Variants in ALKBH8 observed in about 807,000 individuals in gnomAD.
ALKBH8 encodes alkB homolog 8, tRNA methyltransferase.
ALKBH8 carries 36 observed loss-of-function variants against 59.8 expected under a neutral mutation model. That is an observed-to-expected ratio of 0.60 (90% confidence interval 0.46 to 0.79). The LOEUF (loss-of-function observed/expected upper bound fraction) is 0.79, where lower values mean the gene tolerates loss of function less well. ALKBH8 is among the 30% of genes least tolerant of loss of function. ALKBH8 has a pLI of 0.00. For missense variants in ALKBH8, 768 were observed against 801.0 expected (o/e 0.96, Z 0.50); for synonymous variants, 276 against 273.6 (o/e 1.01, Z -0.09).
intron 10 of ALKBH8, among the ~76,000 whole-genome samples, chr11:107,517,954 T>C (rs1383587165): frequency 6.6e-6 from 1 of 152,238 alleles, no homozygotes; most frequent in Admixed American, 6.5e-5. Context: ...ATGCATATGT[T>C]AATTTGCTAG....
chr11:107,537,004 G>A (rs1863844390), intron 7 of ALKBH8, among the ~76,000 whole-genome samples: 2 of 152,180 alleles, frequency 1.3e-5, no homozygotes, highest in Admixed American at 6.5e-5. Context: ...CCCCCATGAG[G>A]CCACCAGGTA....
intron 7 of ALKBH8, among the ~76,000 whole-genome samples, chr11:107,547,641 ATTATAAAC>A (rs1265190417): frequency 6.7e-6 from 1 of 148,596 alleles, no homozygotes; most frequent in Non-Finnish European, 1.5e-5. Context: ...TGAAACAAAC[ATTATAAAC>A]TTAAAATTAT....
intron 9 of ALKBH8, among the ~76,000 whole-genome samples, chr11:107,522,868 T>C (rs1237007059): frequency 6.6e-6 from 1 of 151,974 alleles, no homozygotes; most frequent in Non-Finnish European, 1.5e-5. Context: ...TCTTGCACAC[T>C]GTTGGTGGGA....
chr11:107,549,867 T>C, intron 6 of ALKBH8, 44 bp from the exon 7 acceptor site: 1 of 1,393,382 alleles, frequency 7.2e-7, no homozygotes, highest in Non-Finnish European at 9.9e-7. Context: ...TTTTTTCCTT[T>C]AGTAGATTTA....
intron 10 of ALKBH8, among the ~76,000 whole-genome samples, chr11:107,512,387 C>T (rs1277062069): frequency 6.6e-6 from 1 of 152,018 alleles, no homozygotes; most frequent in Non-Finnish European, 1.5e-5. Context: ...AATCCCAGCC[C>T]ACGGCAGCCT....
intron 8 of ALKBH8, among the ~76,000 whole-genome samples, chr11:107,525,835 T>C (rs1863330226): frequency 6.6e-6 from 1 of 151,756 alleles, no homozygotes; most frequent in African/African-American, 2.4e-5. Context: ...AAAATAAATA[T>C]TTAATTAACA....
chr11:107,531,357 G>T lies in ALKBH8; in HGVS notation c.878+943C>A, dbSNP rs1863584413. Among the ~76,000 whole-genome samples the T allele has an allele frequency of 2.0e-5, 3 of 152,166 alleles. No homozygotes were observed. The South Asian group carries it at 6.2e-4, about 32-fold the overall frequency. ...GGTCTCTCCTCAAAAGGCTAGAGAT[G>T]TATCCCTAGCAGAAGCACATACTAA... On this transcript the variant is annotated intron_variant, in intron 8 of 11. Transcript: ENST00000428149.
At chr11:107,516,852 C>A (rs1862884227) in intron 10 of ALKBH8, among the ~76,000 whole-genome samples, 1 of 152,070 alleles carries the variant, frequency 6.6e-6, no homozygotes, top group Admixed American at 6.6e-5. Flanking sequence ...ATGGCAAAAC[C>A]TCATCTCTAC....
intron 10 of ALKBH8, 46 bp from the exon 11 acceptor site, chr11:107,511,082 T>A (rs561164385): frequency 6.5e-7 from 1 of 1,539,872 alleles, no homozygotes; most frequent in Non-Finnish European, 8.8e-7. Flanking sequence ...AAATTTCACA[T>A]GAAATTAAGA....
chr11:107,535,215 G>A (rs184838131), intron 7 of ALKBH8, among the ~76,000 whole-genome samples: 106 of 152,266 alleles, frequency 7.0e-4, no homozygotes, highest in South Asian at 1.5e-3. Flanking sequence ...TGCTATAAGC[G>A]TGTGTGCAAT....
chr11:107,532,401 G>T lies in ALKBH8; in HGVS notation c.777C>A (p.Val259=). ...TGCCATCTGGGTGCTTAAAATCCAT[G>T]ACAATCTTGAAGCAAAGATAAAAGC... is the stretch of plus-strand genomic sequence containing the variant. ...IVSLSLGSEI[V]MDFKHPDGIA... Residue 259 remains valine (V), a synonymous_variant, in exon 8 of 12, where the codon GTC becomes GTA. Coordinates refer to ENST00000428149, the MANE Select transcript of ALKBH8 (RefSeq NM_138775.3). The T allele has an allele frequency of 6.2e-7, 1 of 1,612,504 alleles. No individual in the cohort carries two copies. Among genetic ancestry groups the T allele is most frequent in the South Asian group, 1.1e-5 (1 of 90,948 alleles).
chr11:107,523,002 G>A (rs376544780), intron 9 of ALKBH8, among the ~76,000 whole-genome samples: 5 of 150,724 alleles, frequency 3.3e-5, no homozygotes, highest in Non-Finnish European at 2.9e-5. Context: ...ATCCCCTCTC[G>A]TATCAAGAGC....
At position 107,504,658 on chromosome 11, in the gene ALKBH8, T is replaced by C. The variant is rs1278517861; in HGVS notation, c.1995A>G (p.Ter665TrpextTer4). 1.3e-6 allele frequency: 2 copies of C among 1,544,772 alleles called. No homozygotes were observed. Among genetic ancestry groups the C allele is most frequent in the Non-Finnish European group, 1.7e-6 (2 of 1,144,390 alleles). ...GNWCVILQKA[*>W] ...ATATATGATGTGTTCAGGTAAATAATCAGGCCTTTTGAAGAATCACACACC... is the reference window on the plus strand; with the variant it reads ...ATATATGATGTGTTCAGGTAAATAACCAGGCCTTTTGAAGAATCACACACC... The change falls in exon 12 of 12, where the codon TGA (stop) becomes TGG (tryptophan). Residue 665 changes from the stop codon to tryptophan (W), a stop_lost. Coordinates refer to ENST00000428149, the MANE Select transcript of ALKBH8 (RefSeq NM_138775.3).
chr11:107,513,573 A>G (rs1233836900), intron 10 of ALKBH8, among the ~76,000 whole-genome samples: 2 of 152,218 alleles, frequency 1.3e-5, no homozygotes, highest in Non-Finnish European at 2.9e-5. Context: ...TTGTTCTACC[A>G]TAAAGACATA....
chr11:107,530,189 A>G (rs1439279055), intron 8 of ALKBH8, among the ~76,000 whole-genome samples: 2 of 152,230 alleles, frequency 1.3e-5, no homozygotes, highest in African/African-American at 4.8e-5. Flanking sequence ...CTGACTGTTA[A>G]GTTTACCCCT....
At chr11:107,529,132 G>A (rs1249101811) in intron 8 of ALKBH8, among the ~76,000 whole-genome samples, 5 of 152,160 alleles carry the variant, frequency 3.3e-5, no homozygotes, top group Non-Finnish European at 5.9e-5. Context: ...CTGGCTCTGC[G>A]ACTTACTGCT....
intron 9 of ALKBH8, among the ~76,000 whole-genome samples, chr11:107,524,767 C>T (rs1389187297): frequency 1.3e-5 from 2 of 151,722 alleles, no homozygotes; most frequent in Non-Finnish European, 2.9e-5. Context: ...TGACTAAATC[C>T]AAAAGCTGTT....
chr11:107,544,598 T>C (rs1023947806), intron 7 of ALKBH8, among the ~76,000 whole-genome samples: 32 of 152,166 alleles, frequency 2.1e-4, no homozygotes, highest in African/African-American at 7.5e-4. Context: ...CATTTATTTA[T>C]TTCTGGCCCA....
rs989864551 is a variant in ALKBH8, at chr11:107,505,011, T to C, written c.1642A>G (p.Met548Val). ...QRSLVEQMRDMGSRDSASSVP... is the reference protein window; with the variant it reads ...QRSLVEQMRDVGSRDSASSVP... Reference sequence around the variant, plus strand: ...GAAGATGCCGAGTCTCGACTGCCCATGTCACGCATTTGCTCCACAAGTGAC... The same window carrying C: ...GAAGATGCCGAGTCTCGACTGCCCACGTCACGCATTTGCTCCACAAGTGAC... Residue 548 changes from methionine to valine, a missense_variant, in exon 12 of 12, where the codon ATG (methionine) becomes GTG (valine). Physicochemically the swap from Met to Val is conservative, Grantham distance 21. Coordinates refer to ENST00000428149, the MANE Select transcript of ALKBH8 (RefSeq NM_138775.3). The C allele has an allele frequency of 5.8e-6, 9 of 1,551,700 alleles. No individual in the cohort carries two copies. The highest frequency in any genetic ancestry group is 1.2e-5 in the South Asian group (1 of 84,044).
Sources: gnomAD v4.1 joint callset for allele counts (sites outside exome capture counted in the v4.1 genomes callset) on GRCh38, gnomAD v4.1.1 for gene constraint, MANE v1.5 for transcripts, NCBI Gene and HGNC (gene_info 2026-07-23, HGNC 2026-07-21) for gene names.